ZNF236: variants seen among roughly 807,000 people sequenced by gnomAD.
ZNF236 encodes zinc finger protein 236, also known as regulated by glucose.
In ZNF236, 50 loss-of-function variants were observed where a neutral mutation model predicts 191.2. The ratio of observed to expected loss-of-function variants is 0.26; its 90% CI spans 0.21 to 0.33. The LOEUF (loss-of-function observed/expected upper bound fraction) is 0.33, where lower values mean the gene tolerates loss of function less well. ZNF236 is among the 10% of genes least tolerant of loss of function. The pLI is 1.00. For synonymous variants in ZNF236, 907 were observed against 928.8 expected (o/e 0.98, Z 0.43); for missense variants, 1,754 against 2,374.5 (o/e 0.74, Z 5.43).
At chr18:76,826,967 G>C (rs1438643587) in intron 1 of ZNF236, among the ~76,000 whole-genome samples, 1 of 152,010 alleles carries the variant, frequency 6.6e-6, no homozygotes, top group African/African-American at 2.4e-5. Context: ...CACGATCTTG[G>C]CTCACCACAA....
chr18:76,826,999 C>T (rs915582543), intron 1 of ZNF236, among the ~76,000 whole-genome samples: 4 of 151,504 alleles, frequency 2.6e-5, no homozygotes, highest in East Asian at 2.0e-4. Flanking sequence ...TGGGTTCAAG[C>T]GATTCTCCTG....
chr18:76,865,427 C>T (rs1976380301), intron 3 of ZNF236, among the ~76,000 whole-genome samples: 1 of 152,164 alleles, frequency 6.6e-6, no homozygotes, highest in Non-Finnish European at 1.5e-5. Flanking sequence ...CATAAAATGG[C>T]CCAGCACAGT....
In ZNF236 at chr18:76,972,255, G is replaced by A. The variant is rs9966022; in HGVS notation, c.*3916G>A. ...TGGCATCTTCTTCATTGTGGAGAAA[G>A]TGGGAACCACAGAGCTTTTCGTGGG... On this transcript the variant is annotated 3_prime_UTR_variant, in exon 31 of 31. Coordinates refer to ENST00000320610, the MANE Select transcript of ZNF236 (RefSeq NM_001306089.2). Among the ~76,000 whole-genome samples, 1,613 of 152,336 alleles carry A rather than the reference G, an allele frequency of 0.011. 27 individuals are homozygous for A. The highest frequency in any genetic ancestry group is 0.037 in the African/African-American group (1,530 of 41,568).
At chr18:76,905,035 G>A (rs946124490) in intron 12 of ZNF236, 120 bp from the exon 13 acceptor site, 139 of 1,114,480 alleles carry the variant, frequency 1.2e-4, no homozygotes, top group Non-Finnish European at 1.6e-4. Context: ...CTCCGGCATT[G>A]CTGCTTAGCT....
Position 76,897,657 on chromosome 18 carries a change from C to T in ZNF236, c.1691-1362C>T, listed in dbSNP as rs542462799. Among the ~76,000 whole-genome samples the T allele has an allele frequency of 4.6e-5, 7 of 151,740 alleles. No individual in the cohort carries two copies. The South Asian group carries it at 1.5e-3, about 32-fold the overall frequency. On this transcript the variant is annotated intron_variant, in intron 10 of 30. Transcript: ENST00000320610. ...CACAGTACTGTACATAGGCACTGCC[C>T]ATAGTACCAAACACAGTACTGCACA...
chr18:76,923,115 A>C lies in ZNF236; in HGVS notation c.3602A>C (p.Glu1201Ala). 6.2e-7 allele frequency: 1 copy of C among 1,614,086 alleles called. No individual in the cohort carries two copies. Among genetic ancestry groups the C allele is most frequent in the Non-Finnish European group, 8.5e-7 (1 of 1,179,956 alleles). ...HTGEKPYKCD[E>A]CGKSFTVKST... ...GGAGAAAAGCCATACAAATGTGATGAATGTGGAAAGAGTTTTACTGTGAAA... is the reference window on the plus strand; with the variant it reads ...GGAGAAAAGCCATACAAATGTGATGCATGTGGAAAGAGTTTTACTGTGAAA... The change falls in exon 21 of 31, where the codon GAA becomes GCA. Residue 1201 changes from glutamate (E) to alanine (A), a missense_variant. Physicochemically the swap from Glu to Ala is moderately radical, Grantham distance 107. Transcript: ENST00000320610.
intron 9 of ZNF236, among the ~76,000 whole-genome samples, chr18:76,891,102 T>A (rs527564557): frequency 6.6e-6 from 1 of 152,238 alleles, no homozygotes; most frequent in African/African-American, 2.4e-5. Flanking sequence ...AGGAGGCTAT[T>A]GACAGTTAAG....
chr18:76,899,369 C>A (rs1977525853), intron 11 of ZNF236, 147 bp downstream of exon 11: 1 of 667,130 alleles, frequency 1.5e-6, no homozygotes, highest in Non-Finnish European at 2.4e-6. Context: ...CCTTGTTTTG[C>A]TTTATGGACT....
At chr18:76,838,312 T>C (rs1432054688) in intron 1 of ZNF236, among the ~76,000 whole-genome samples, 4 of 152,362 alleles carry the variant, frequency 2.6e-5, no homozygotes, top group African/African-American at 7.2e-5. Flanking sequence ...AGGGAGATTA[T>C]GGTTAAGTAA....
intron 7 of ZNF236, among the ~76,000 whole-genome samples, chr18:76,878,725 GATTA>G (rs1976786300): frequency 6.6e-6 from 1 of 151,974 alleles, no homozygotes; most frequent in Admixed American, 6.6e-5. Context: ...CCTCTCAACA[GATTA>G]ATAAATGGTA....
chr18:76,867,530 A>T (rs887702082), intron 3 of ZNF236, among the ~76,000 whole-genome samples: 16 of 152,332 alleles, frequency 1.1e-4, no homozygotes, highest in African/African-American at 3.8e-4. Flanking sequence ...AAAAAGTCTG[A>T]TAGGAAAAAA....
chr18:76,897,622 CAG>C (rs1288320877), intron 10 of ZNF236, among the ~76,000 whole-genome samples: 4 of 151,806 alleles, frequency 2.6e-5, no homozygotes, highest in Non-Finnish European at 5.9e-5. Flanking sequence ...GCATCATGCA[CAG>C]TACCAAACAC....
chr18:76,908,479 G>C lies in ZNF236; in HGVS notation c.2457G>C (p.Glu819Asp), dbSNP rs1185153280. 2.5e-6 allele frequency: 4 copies of C among 1,614,042 alleles called. No homozygotes were observed. In the African/African-American group the frequency reaches 5.3e-5, roughly 22 times the overall value. Residue 819 changes from glutamate (E) to aspartate (D), a missense_variant, in exon 14 of 31, where the codon GAG becomes GAC. Physicochemically the swap from Glu to Asp is conservative, Grantham distance 45 (BLOSUM62 2). Around this residue, in one of 5 missense-constraint regions of ZNF236, gnomAD observed 641 missense variants for 869.6 expected, o/e 0.74. Transcript: ENST00000320610. ...QTAEVVAANP[E>D]AMLDLEPQHV... The stretch of plus-strand genomic sequence containing the variant: ...CAGAGGTGGTCGCAGCGAACCCCGA[G>C]GCCATGCTGGACCTGGAGCCTCAGC...
rs772367977 is a variant in ZNF236, at chr18:76,880,200, G to A, written c.1072G>A (p.Asp358Asn). ...SSQPSSQAVS[D>N]VIQQLLELSE... ...CCAGCCGAGCTCCCAGGCGGTGAGC[G>A]ACGTCATCCAGCAGCTCCTGGAGCT... Residue 358 changes from aspartate (D) to asparagine (N), a missense_variant, in exon 8 of 31, where the codon GAC becomes AAC. Transcript: ENST00000320610. This position sits in a 1 kb window ranked among gnomAD's most constrained non-coding sequence, Gnocchi z 5.0. 2.2e-5 allele frequency: 35 copies of A among 1,614,040 alleles called. No individual in the cohort carries two copies. The East Asian group carries it at 6.9e-4, about 32-fold the overall frequency.
intron 26 of ZNF236, among the ~76,000 whole-genome samples, chr18:76,944,578 C>T (rs920701802): frequency 1.3e-5 from 2 of 152,024 alleles, no homozygotes; most frequent in South Asian, 2.1e-4. Context: ...GTCAGGAGAT[C>T]GAGACCAGCT....
intron 27 of ZNF236, among the ~76,000 whole-genome samples, chr18:76,953,692 T>C (rs1306981048): frequency 6.6e-6 from 1 of 152,036 alleles, no homozygotes; most frequent in Non-Finnish European, 1.5e-5. Flanking sequence ...TAGAGGGAGG[T>C]TTGGGGTCAG....
At chr18:76,900,497 A>G (rs561195613) in intron 11 of ZNF236, among the ~76,000 whole-genome samples, 14 of 152,318 alleles carry the variant, frequency 9.2e-5, no homozygotes, top group African/African-American at 3.4e-4. Context: ...ACATTCTAGG[A>G]TACAGAAAAA....
rs1273589737 is a variant in ZNF236 at position 76,919,804 on chromosome 18, T to C, written c.3303T>C (p.His1101=). Residue 1101 remains histidine, a synonymous_variant, in exon 20 of 31, where the codon CAT becomes CAC. Transcript: ENST00000320610. The surrounding 1 kb of genome is among the most constrained non-coding windows in gnomAD (Gnocchi z 5.3). ...TTTGTATGGAGGAAGAGGAAGAACA[T>C]TCTGACAGAAATGCATCACGGAAGT... The part of the protein sequence containing the change: ...GDICMEEEEE[H]SDRNASRKSR... The C allele has an allele frequency of 1.2e-6, 2 of 1,614,098 alleles. No homozygotes were observed. Among genetic ancestry groups the C allele is most frequent in the Non-Finnish European group, 1.7e-6 (2 of 1,180,032 alleles).
At chr18:76,920,083 G>A (rs1331169343) in intron 20 of ZNF236, 25 bp downstream of exon 20, 28 of 1,599,914 alleles carry the variant, frequency 1.8e-5, no homozygotes, top group Non-Finnish European at 2.4e-5. Flanking sequence ...ACGCCGCGCG[G>A]GTTCCGCTCT....
Sources: allele counts gnomAD v4.1 joint callset (sites outside exome capture counted in the v4.1 genomes callset), GRCh38; gene constraint gnomAD v4.1.1; regional missense constraint gnomAD v4.1.1; non-coding constraint Gnocchi (gnomAD v3.1); transcripts MANE v1.5; gene names NCBI Gene and HGNC (gene_info 2026-07-23, HGNC 2026-07-21).